C1QTNF7: variants seen among roughly 807,000 people sequenced by gnomAD.
The protein encoded by C1QTNF7 is complement C1q tumor necrosis factor-related protein 7.
A neutral mutation model predicts 19.6 loss-of-function variants in C1QTNF7; 15 were observed. That is an observed-to-expected ratio of 0.76 (90% CI 0.51 to 1.18). The LOEUF (loss-of-function observed/expected upper bound fraction) is 1.18, where lower values mean the gene tolerates loss of function less well. Ranked by LOEUF, C1QTNF7 falls within the 50% of genes most tolerant of loss-of-function variation. The pLI is 0.00. For synonymous variants in C1QTNF7, 142 were observed against 137.5 expected (o/e 1.03, Z -0.23); for missense variants, 324 against 359.7 (o/e 0.90, Z 0.80).
intron 1 of C1QTNF7, among the ~76,000 whole-genome samples, chr4:15,433,468 A>C (rs1452825290): frequency 6.6e-6 from 1 of 152,174 alleles, no homozygotes; most frequent in East Asian, 1.9e-4. Context: ...ATGTATTAAA[A>C]TTCTTTAAAG....
At chr4:15,398,291 T>A (rs887750779) in intron 1 of C1QTNF7, among the ~76,000 whole-genome samples, 2 of 152,182 alleles carry the variant, frequency 1.3e-5, no homozygotes, top group Non-Finnish European at 2.9e-5. Context: ...TAATGAATCA[T>A]AGCTAGAAAC....
chr4:15,411,827 G>A (rs1258073670), intron 1 of C1QTNF7, among the ~76,000 whole-genome samples: 1 of 152,100 alleles, frequency 6.6e-6, no homozygotes, highest in Non-Finnish European at 1.5e-5. Flanking sequence ...ATGCTCTGGG[G>A]GAAAAGCTGT....
At chr4:15,346,747 A>G (rs1365653823) in intron 1 of C1QTNF7, among the ~76,000 whole-genome samples, 1 of 152,206 alleles carries the variant, frequency 6.6e-6, no homozygotes, top group Admixed American at 6.5e-5. Flanking sequence ...TTCCCAGATC[A>G]TTATTAGCAT....
chr4:15,426,637 A>C (rs1453404385), upstream of C1QTNF7, among the ~76,000 whole-genome samples: 1 of 152,224 alleles, frequency 6.6e-6, no homozygotes, highest in Non-Finnish European at 1.5e-5. Context: ...AAATTGTATC[A>C]ACACTTTAAG....
intron 1 of C1QTNF7, chr4:15,374,496 G>T: frequency 5.6e-6 from 5 of 899,098 alleles, no homozygotes; most frequent in Non-Finnish European, 6.7e-6. Context: ...TAATGTCGAC[G>T]TCTTCTTTCG....
At chr4:15,417,184 A>T (rs1310103754) in intron 1 of C1QTNF7, among the ~76,000 whole-genome samples, 1 of 152,222 alleles carries the variant, frequency 6.6e-6, no homozygotes, top group East Asian at 1.9e-4. Context: ...ATAATGTAGA[A>T]TGAACCACCT....
At chr4:15,342,711 G>T (rs1262424673) in intron 1 of C1QTNF7, among the ~76,000 whole-genome samples, 1 of 152,232 alleles carries the variant, frequency 6.6e-6, no homozygotes, top group South Asian at 2.1e-4. Flanking sequence ...CAAGTAGCTT[G>T]GGCCTGGCGG....
chr4:15,360,638 C>T (rs937675329), intron 1 of C1QTNF7, among the ~76,000 whole-genome samples: 1 of 152,120 alleles, frequency 6.6e-6, no homozygotes, highest in Non-Finnish European at 1.5e-5. Flanking sequence ...AGAAACAGCA[C>T]TAAATATACT....
rs1712988048 is a variant in C1QTNF7 at position 15,446,035 on chromosome 4, G to T, written c.*3236G>T. ...TTTCTTTGTGCCCCTGCATGCACAA[G>T]GGTATTTCCAGGTCATTTATCATTG... On this transcript the variant is annotated 3_prime_UTR_variant, in exon 3 of 3. Transcript: ENST00000444304. 1 of 152,152 alleles carries T rather than the reference G, an allele frequency of 6.6e-6. No homozygotes were observed. The highest frequency in any genetic ancestry group is 1.5e-5 in the Non-Finnish European group (1 of 68,026). The allele number at this position is 152,152 out of a possible 1,614,324, so 9.4% of individuals were successfully genotyped here.
At chr4:15,400,754 C>T (rs1288488801) in intron 1 of C1QTNF7, among the ~76,000 whole-genome samples, 15 of 152,210 alleles carry the variant, frequency 9.9e-5, no homozygotes, top group African/African-American at 3.4e-4. Flanking sequence ...TCCCAAATCT[C>T]AGTGGCTTCA....
At chr4:15,387,625 T>C (rs1001835241) in intron 1 of C1QTNF7, among the ~76,000 whole-genome samples, 2 of 152,050 alleles carry the variant, frequency 1.3e-5, no homozygotes, top group African/African-American at 4.8e-5. Context: ...TGGGGTGGCT[T>C]TCAGAAAGAA....
In C1QTNF7 at chr4:15,442,280, A is replaced by C. The variant is rs377604898; in HGVS notation, c.351A>C (p.Pro117=). The C allele has an allele frequency of 1.9e-6, 3 of 1,614,132 alleles. No individual in the cohort carries two copies. The highest frequency in any genetic ancestry group is 2.5e-6 in the Non-Finnish European group (3 of 1,180,034). Residue 117 remains proline (P), a synonymous_variant, in exon 3 of 3, where the codon CCA becomes CCC. Coordinates refer to ENST00000444304, the MANE Select transcript of C1QTNF7 (RefSeq NM_031911.5). The part of the protein sequence containing the change: ...GPEGEKGEVG[P]IGPPGPKGDR... ...AGGGAGAGAAAGGAGAAGTAGGTCC[A>C]ATTGGTCCTCCTGGACCAAAGGGAG... is the stretch of plus-strand genomic sequence containing the variant.
chr4:15,393,695 T>G (rs114957786), intron 1 of C1QTNF7, among the ~76,000 whole-genome samples: 4,781 of 152,218 alleles, frequency 0.031, 102 homozygotes, highest in South Asian at 0.062. Context: ...CTAAGCCTGT[T>G]TCCTCAACTT....
At chr4:15,376,402 A>G (rs908476103) in intron 1 of C1QTNF7, among the ~76,000 whole-genome samples, 1 of 152,238 alleles carries the variant, frequency 6.6e-6, no homozygotes, top group Non-Finnish European at 1.5e-5. Context: ...GCTCACTAGT[A>G]AGGTGTAGAG....
At chr4:15,368,803 C>A (rs1717622288) in intron 1 of C1QTNF7, among the ~76,000 whole-genome samples, 1 of 152,178 alleles carries the variant, frequency 6.6e-6, no homozygotes, top group African/African-American at 2.4e-5. Context: ...TGGGTATATA[C>A]CCAGTAATGG....
intron 1 of C1QTNF7, among the ~76,000 whole-genome samples, chr4:15,369,821 TA>T (rs1303702953): frequency 6.6e-6 from 1 of 152,216 alleles, no homozygotes; most frequent in Non-Finnish European, 1.5e-5. Context: ...GTAAGCACCA[TA>T]ATTTGACTGC....
chr4:15,391,202 G>A (rs1021862698), intron 1 of C1QTNF7, among the ~76,000 whole-genome samples: 2 of 151,532 alleles, frequency 1.3e-5, no homozygotes, highest in African/African-American at 4.9e-5. Flanking sequence ...ATGTTGTAAC[G>A]AGAGACAGTA....
chr4:15,350,344 G>GAAGA (rs1716891006), intron 1 of C1QTNF7, among the ~76,000 whole-genome samples: 2 of 84,550 alleles, frequency 2.4e-5, no homozygotes, highest in Non-Finnish European at 2.2e-5. Context: ...AGGAGGGAGG[G>GAAGA]AGGGAGGGAG....
chr4:15,376,243 T>C (rs1199595484), intron 1 of C1QTNF7, among the ~76,000 whole-genome samples: 2 of 152,256 alleles, frequency 1.3e-5, no homozygotes, highest in Admixed American at 6.5e-5. Flanking sequence ...ACTGACTGTC[T>C]GAGCTGTGCA....
Sources: allele counts gnomAD v4.1 joint callset (sites outside exome capture counted in the v4.1 genomes callset), GRCh38; gene constraint gnomAD v4.1.1; transcripts MANE v1.5; gene names NCBI Gene and HGNC (gene_info 2026-07-23, HGNC 2026-07-21).